The following UNC13C variants were observed in gnomAD, a reference collection of about 807,000 sequenced individuals.
UNC13C encodes the protein unc-13 homolog C, also known as protein unc-13 homolog C.
Under a neutral mutation model 245.4 loss-of-function variants are expected in UNC13C, and 174 were observed. The observed-to-expected ratio is 0.71, with a 90% CI of 0.63 to 0.80. UNC13C has a LOEUF of 0.80. UNC13C is among the 30% of genes least tolerant of loss of function. UNC13C has a pLI of 0.00. For missense variants in UNC13C, 2,829 were observed against 2,602.9 expected, an observed-to-expected ratio of 1.09 and a Z score of -1.89; for synonymous variants, 992 against 895.1, an observed-to-expected ratio of 1.11 and a Z score of -1.93.
chr15:54,606,336 A>C (rs1270552217), intron 30 of UNC13C, among the ~76,000 whole-genome samples: 1 of 152,198 alleles, frequency 6.6e-6, no homozygotes, highest in African/African-American at 2.4e-5. Flanking sequence ...ACAAATTTAT[A>C]ACTTGAAGGA....
intron 19 of UNC13C, among the ~76,000 whole-genome samples, chr15:54,464,891 T>TA (rs1407765679): frequency 6.6e-6 from 1 of 151,984 alleles, no homozygotes; most frequent in Admixed American, 6.6e-5. Flanking sequence ...TTTTTTTTTT[T>TA]AACCTCTTAG....
chr15:54,265,291 G>T (rs1596109955), intron 9 of UNC13C, 64 bp from the exon 10 acceptor site: 2 of 1,278,500 alleles, frequency 1.6e-6, no homozygotes, highest in Non-Finnish European at 2.0e-6. Context: ...AATTGTCTTT[G>T]TTATTATTAT....
At chr15:54,136,722 C>T (rs554136136) in intron 2 of UNC13C, among the ~76,000 whole-genome samples, 6 of 151,964 alleles carry the variant, frequency 3.9e-5, no homozygotes, top group Non-Finnish European at 8.8e-5. Context: ...TGCATTCCCT[C>T]GATATCTGAT....
In UNC13C at chr15:54,622,323, T is replaced by G. The variant is rs1900846980; in HGVS notation, c.6107-4T>G. On this transcript the variant is annotated splice_polypyrimidine_tract_variant and splice_region_variant and intron_variant, in intron 30 of 32. Coordinates refer to ENST00000260323, the MANE Select transcript of UNC13C (RefSeq NM_001080534.3). ...CAGGCCAGTAAGCCTCTGCTTATTT[T>G]CAGGTCGTTCCTCCAAAGATGCCGT... is the stretch of plus-strand genomic sequence containing the variant. 1 of 1,612,006 alleles carries G rather than the reference T, an allele frequency of 6.2e-7. No homozygotes were observed. The highest frequency in any genetic ancestry group is 8.5e-7 in the Non-Finnish European group (1 of 1,178,298).
At chr15:54,046,639 CAT>C (rs1897049666) in intron 2 of UNC13C, among the ~76,000 whole-genome samples, 1 of 151,426 alleles carries the variant, frequency 6.6e-6, no homozygotes. Flanking sequence ...TGTTCTAGAA[CAT>C]AGACACTTTT....
intron 19 of UNC13C, among the ~76,000 whole-genome samples, chr15:54,445,304 G>T (rs996622902): frequency 1.3e-5 from 2 of 152,140 alleles, no homozygotes; most frequent in African/African-American, 4.8e-5. Context: ...GTAGCAGCAT[G>T]ATTTATAATC....
the UNC13C span, among the ~76,000 whole-genome samples, chr15:53,893,150 C>G: frequency 6.6e-6 from 1 of 152,208 alleles, no homozygotes; most frequent in Non-Finnish European, 1.5e-5. Flanking sequence ...AGGTCCACTC[C>G]AGACCCTGTT....
intron 2 of UNC13C, among the ~76,000 whole-genome samples, chr15:54,131,608 T>C (rs78173596): frequency 0.081 from 12,361 of 152,248 alleles, 679 homozygotes; most frequent in South Asian, 0.14. Context: ...ACACTATCCA[T>C]AGTTAGGCAC....
intron 2 of UNC13C, among the ~76,000 whole-genome samples, chr15:54,030,960 A>G (rs1896333169): frequency 6.6e-6 from 1 of 152,178 alleles, no homozygotes; most frequent in East Asian, 1.9e-4. Context: ...TGAGAGGATG[A>G]AAACATTCAA....
At chr15:54,447,344 A>T (rs183314861) in intron 19 of UNC13C, among the ~76,000 whole-genome samples, 1 of 152,168 alleles carries the variant, frequency 6.6e-6, no homozygotes, top group African/African-American at 2.4e-5. Flanking sequence ...TTCAGAAGGA[A>T]TGGTACCACC....
chr15:54,618,570 G>GTTCAGC lies in UNC13C; in HGVS notation c.6107-3753_6107-3752insGCTTCA, dbSNP rs1555403063. Among the ~76,000 whole-genome samples, 13 of 151,394 alleles carry GTTCAGC rather than the reference G, an allele frequency of 8.6e-5. No individual in the cohort carries two copies. In the South Asian group the frequency reaches 2.3e-3, roughly 27 times the overall value. On this transcript the variant is annotated intron_variant, in intron 30 of 32. Transcript: ENST00000260323. ...TAACTAGTCAATTGAGATATCCTGTGTTCAAAGTGCTTTGGTTCAATTTCA... is the reference window on the plus strand; with the variant it reads ...TAACTAGTCAATTGAGATATCCTGTGTTCAGCTTCAAAGTGCTTTGGTTCAATTTCA...
At chr15:54,502,358 G>A (rs972039423) in intron 22 of UNC13C, among the ~76,000 whole-genome samples, 2 of 152,132 alleles carry the variant, frequency 1.3e-5, no homozygotes, top group Non-Finnish European at 2.9e-5. Context: ...GACAGACAGA[G>A]AGACACTAAA....
intron 19 of UNC13C, among the ~76,000 whole-genome samples, chr15:54,453,793 TG>T (rs1253348020): frequency 5.9e-5 from 9 of 152,208 alleles, no homozygotes; most frequent in Non-Finnish European, 1.2e-4. Flanking sequence ...TTACTTTTTT[TG>T]ATATAGTATA....
intron 19 of UNC13C, among the ~76,000 whole-genome samples, chr15:54,459,986 A>T (rs1230811840): frequency 6.6e-6 from 1 of 152,088 alleles, no homozygotes. Context: ...TATTCATATT[A>T]CCAGAATTAC....
At chr15:54,357,105 T>C (rs927287452) in intron 17 of UNC13C, among the ~76,000 whole-genome samples, 9 of 152,094 alleles carry the variant, frequency 5.9e-5, no homozygotes, top group African/African-American at 2.2e-4. Flanking sequence ...TTATGTTATG[T>C]TGTAAACTAC....
chr15:54,382,538 T>C (rs1006804209), intron 17 of UNC13C, among the ~76,000 whole-genome samples: 1 of 151,966 alleles, frequency 6.6e-6, no homozygotes, highest in Non-Finnish European at 1.5e-5. Context: ...CATTGAGCCG[T>C]TGCCCTCCAG....
intron 30 of UNC13C, chr15:54,611,359 G>C (rs1457022648): frequency 6.6e-6 from 1 of 152,084 alleles, no homozygotes; most frequent in Non-Finnish European, 1.5e-5. Context: ...TGGTTAACAG[G>C]ATGCAATCTG....
intron 13 of UNC13C, among the ~76,000 whole-genome samples, chr15:54,300,696 C>G (rs2037556768): frequency 6.6e-6 from 1 of 152,100 alleles, no homozygotes; most frequent in Non-Finnish European, 1.5e-5. Flanking sequence ...AGGGTGGAAT[C>G]CAGCAACCTA....
At chr15:54,422,424 A>T (rs1410524393) in intron 19 of UNC13C, among the ~76,000 whole-genome samples, 1 of 152,036 alleles carries the variant, frequency 6.6e-6, no homozygotes, top group Non-Finnish European at 1.5e-5. Context: ...TTACATCAAG[A>T]CATTCCCTGG....
Sources: allele counts gnomAD v4.1 joint callset (sites outside exome capture counted in the v4.1 genomes callset), GRCh38; gene constraint gnomAD v4.1.1; transcripts MANE v1.5; gene names NCBI Gene and HGNC (gene_info 2026-07-23, HGNC 2026-07-21).